Variants in PTPRB observed in about 807,000 individuals in gnomAD.
PTPRB encodes protein tyrosine phosphatase receptor type B, also known as receptor-type tyrosine-protein phosphatase beta.
PTPRB carries 97 observed loss-of-function variants against 238.1 expected under a neutral mutation model. That is an observed-to-expected ratio of 0.41 (90% confidence interval 0.35 to 0.48). The LOEUF (loss-of-function observed/expected upper bound fraction) is 0.48, where lower values mean the gene tolerates loss of function less well. PTPRB is among the 20% of genes least tolerant of loss of function. The pLI is 0.30. For synonymous variants in PTPRB, 970 were observed against 995.4 expected (o/e 0.97, Z 0.48); for missense variants, 2,292 against 2,681.9 (o/e 0.85, Z 3.21).
chr12:70,549,940 A>G (rs1301961484), intron 21 of PTPRB, among the ~76,000 whole-genome samples: 1 of 152,240 alleles, frequency 6.6e-6, no homozygotes. Context: ...TTTGTTCATA[A>G]ACATTTCACA....
At position 70,566,539 on chromosome 12, in the gene PTPRB, T is replaced by G; in HGVS notation, c.3800A>C (p.Gln1267Pro). ...TGGTGTTAGATCTTCAAATTTGTGTTGCTTAGTGGTGGCTGGCTCTGATGT... is the reference window on the plus strand; with the variant it reads ...TGGTGTTAGATCTTCAAATTTGTGTGGCTTAGTGGTGGCTGGCTCTGATGT... ...RNTSEPATTK[Q>P]HKFEDLTPGK... Residue 1267 changes from glutamine (Q) to proline (P), a missense_variant, in exon 15 of 34, where the codon CAA becomes CCA. This residue lies in a region of PTPRB where 683 missense variants were observed against 862.0 expected (regional missense o/e 0.79). Coordinates refer to ENST00000334414, the MANE Select transcript of PTPRB (RefSeq NM_001109754.4). 6.2e-7 allele frequency: 1 copy of G among 1,614,020 alleles called. No homozygotes were observed. The highest frequency in any genetic ancestry group is 8.5e-7 in the Non-Finnish European group (1 of 1,179,886).
Position 70,571,281 on chromosome 12 carries a change from G to C in PTPRB, c.3115C>G (p.Pro1039Ala), listed in dbSNP as rs769822765. 2 of 1,598,108 alleles carry C rather than the reference G, an allele frequency of 1.3e-6. No individual in the cohort carries two copies. The highest frequency in any genetic ancestry group is 1.7e-5 in the Admixed American group (1 of 59,924). The change falls in exon 13 of 34, where the codon CCT becomes GCT. Residue 1039 changes from proline to alanine, a missense_variant. Coordinates refer to ENST00000334414, the MANE Select transcript of PTPRB (RefSeq NM_001109754.4). ...EQGNGRTIPE[P>A]VKDLTLRNRS... ...TTGCGCAATGTTAGATCCTTAACAG[G>C]CTCTGGAACTAGGGAGAAAAATGAG... is the stretch of plus-strand genomic sequence containing the variant.
chr12:70,633,641 A>T (rs1440208047), intron 2 of PTPRB, among the ~76,000 whole-genome samples: 1 of 152,162 alleles, frequency 6.6e-6, no homozygotes, highest in East Asian at 1.9e-4. Context: ...TCTAGAAATT[A>T]ATTTCTTTCC....
intron 18 of PTPRB, 28 bp from the exon 19 acceptor site, chr12:70,556,176 T>C: frequency 1.9e-6 from 3 of 1,584,616 alleles, no homozygotes; most frequent in Middle Eastern, 1.7e-4. Context: ...GGCAACACTT[T>C]TCAGAACTCA....
intron 9 of PTPRB, 78 bp downstream of exon 9, chr12:70,586,929 A>G: frequency 2.1e-6 from 3 of 1,399,244 alleles, no homozygotes; most frequent in Non-Finnish European, 2.0e-6. Context: ...GCAGTTAATG[A>G]ATACTTGTAA....
intron 16 of PTPRB, 133 bp downstream of exon 16, chr12:70,562,706 CAAACA>C (rs1878650535): frequency 8.8e-7 from 1 of 1,137,626 alleles, no homozygotes. Flanking sequence ...GATTTAGGGT[CAAACA>C]GCCTGAAAGT....
Position 70,635,665 on chromosome 12 carries a change from G to A in PTPRB, c.451+6C>T. 1 of 1,611,790 alleles carries A rather than the reference G, an allele frequency of 6.2e-7. No homozygotes were observed. Among genetic ancestry groups the A allele is most frequent in the Non-Finnish European group, 8.5e-7 (1 of 1,178,560 alleles). ...TTCAGGATTTGCTCTGAAAGGAATA[G>A]CTCACCTTTTTGTAAACAGAGGCTT... is the stretch of plus-strand genomic sequence containing the variant. On this transcript the variant is annotated splice_donor_region_variant and intron_variant, in intron 2 of 33. Transcript: ENST00000334414.
chr12:70,524,425 T>C (rs1460138739), intron 33 of PTPRB, 46 bp downstream of exon 33: 1 of 1,545,128 alleles, frequency 6.5e-7, no homozygotes, highest in Non-Finnish European at 8.8e-7. Context: ...AGATTGACCA[T>C]ATCTTGATGA....
intron 29 of PTPRB, among the ~76,000 whole-genome samples, chr12:70,535,671 TCTC>T (rs1405930985): frequency 1.3e-5 from 2 of 152,096 alleles, no homozygotes; most frequent in Non-Finnish European, 2.9e-5. Flanking sequence ...ACAACTCACT[TCTC>T]CTTTCCTGGG....
At chr12:70,621,738 T>A (rs1189182977) in intron 3 of PTPRB, among the ~76,000 whole-genome samples, 1 of 152,220 alleles carries the variant, frequency 6.6e-6, no homozygotes, top group Admixed American at 6.5e-5. Flanking sequence ...CCTTAGCTTT[T>A]TTGATGTGCT....
intron 4 of PTPRB, among the ~76,000 whole-genome samples, chr12:70,596,656 C>A (rs1393302769): frequency 1.3e-5 from 2 of 152,036 alleles, no homozygotes; most frequent in Non-Finnish European, 2.9e-5. Context: ...AGTTTAGCAA[C>A]TTTTTCAAAC....
At chr12:70,523,635 C>T (rs1466512265) in intron 33 of PTPRB, among the ~76,000 whole-genome samples, 2 of 152,094 alleles carry the variant, frequency 1.3e-5, no homozygotes, top group African/African-American at 4.8e-5. Context: ...GAAGAGATAC[C>T]TTGTGAAACT....
chr12:70,569,848 T>C lies in PTPRB; in HGVS notation c.3461A>G (p.Asp1154Gly), dbSNP rs376332094. ...VNWTPGGGDV[D>G]SYTVSAFRHS... ...CCTGAATGCCGACACCGTGTAGGAA[T>C]CAACGTCTCCCCCACCAGGAGTCCA... Residue 1154 changes from aspartate (D) to glycine (G), a missense_variant, in exon 14 of 34, where the codon GAT becomes GGT. By Grantham distance (94) the Asp-to-Gly change is moderately conservative (BLOSUM62 -1). Around this residue, in one of 4 missense-constraint regions of PTPRB, gnomAD observed 683 missense variants for 862.0 expected, o/e 0.79. Coordinates refer to ENST00000334414, the MANE Select transcript of PTPRB (RefSeq NM_001109754.4). 12 of 1,613,878 alleles carry C rather than the reference T, an allele frequency of 7.4e-6. No individual in the cohort carries two copies. In the East Asian group the frequency reaches 1.8e-4, roughly 24 times the overall value.
At chr12:70,527,037 A>T (rs1872547200) in intron 32 of PTPRB, among the ~76,000 whole-genome samples, 1 of 152,236 alleles carries the variant, frequency 6.6e-6, no homozygotes, top group Non-Finnish European at 1.5e-5. Context: ...GACAAAATAT[A>T]TGAATCTCAG....
intron 10 of PTPRB, among the ~76,000 whole-genome samples, chr12:70,577,920 T>C (rs935424613): frequency 1.3e-5 from 2 of 152,200 alleles, no homozygotes; most frequent in African/African-American, 4.8e-5. Context: ...CTTTTTGCTT[T>C]CTTTCCTTCC....
intron 4 of PTPRB, 173 bp downstream of exon 4, chr12:70,608,896 A>G: frequency 1.1e-6 from 1 of 945,148 alleles, no homozygotes; most frequent in Non-Finnish European, 1.5e-6. Context: ...AAAGTCCACC[A>G]AGCTGCTTCT....
intron 22 of PTPRB, chr12:70,542,483 C>T: frequency 6.6e-6 from 1 of 151,172 alleles, no homozygotes; most frequent in Non-Finnish European, 1.5e-5. Flanking sequence ...GAGGCTGAGG[C>T]AGGAGAATTG....
intron 28 of PTPRB, among the ~76,000 whole-genome samples, chr12:70,537,571 G>A (rs1186051409): frequency 6.6e-6 from 1 of 152,152 alleles, no homozygotes; most frequent in African/African-American, 2.4e-5. Context: ...GTTGCTTGAG[G>A]TATGAGGTAA....
intron 18 of PTPRB, 41 bp downstream of exon 18, chr12:70,559,302 C>G: frequency 1.9e-6 from 3 of 1,554,714 alleles, no homozygotes; most frequent in East Asian, 2.2e-5. Flanking sequence ...TATACTTCCT[C>G]TACTCCATTT....
Sources: gnomAD v4.1 joint callset for allele counts (sites outside exome capture counted in the v4.1 genomes callset) on GRCh38, gnomAD v4.1.1 for gene constraint, gnomAD v4.1.1 regional missense constraint, MANE v1.5 for transcripts, NCBI Gene and HGNC (gene_info 2026-07-23, HGNC 2026-07-21) for gene names.